Variants in DPYD observed in about 807,000 individuals in gnomAD.
DPYD encodes dihydropyrimidine dehydrogenase [NADP(+)].
Under a neutral mutation model 116.2 loss-of-function variants are expected in DPYD, and 109 were observed. The ratio of observed to expected loss-of-function variants is 0.94; its 90% CI spans 0.80 to 1.10. The LOEUF is 1.10. Among genes scored for constraint, DPYD ranks in the 50% least tolerant of loss-of-function variants. The pLI is 0.00. For missense variants in DPYD, 1,302 were observed against 1,254.5 expected (o/e 1.04, Z -0.57); for synonymous variants, 440 against 432.0 (o/e 1.02, Z -0.23).
intron 8 of DPYD, among the ~76,000 whole-genome samples, chr1:97,647,767 T>C (rs1269933230): frequency 3.3e-5 from 5 of 152,018 alleles, no homozygotes; most frequent in Non-Finnish European, 7.4e-5. Flanking sequence ...TTTGAAGTTT[T>C]TCCTAATAAA....
intron 18 of DPYD, among the ~76,000 whole-genome samples, chr1:97,285,344 A>T (rs754140372): frequency 8.5e-5 from 13 of 152,224 alleles, no homozygotes; most frequent in Non-Finnish European, 1.6e-4. Flanking sequence ...TGGCATCAGA[A>T]CAAGAGCAAT....
At chr1:97,679,072 A>ATATT in intron 8 of DPYD, 23 bp downstream of exon 8, 1 of 1,131,280 alleles carries the variant, frequency 8.8e-7, no homozygotes, top group Non-Finnish European at 1.2e-6. Flanking sequence ...ATAAATAAAT[A>ATATT]TATTTAAGAG....
At chr1:97,900,347 T>C (rs1044395844) in intron 1 of DPYD, among the ~76,000 whole-genome samples, 1 of 151,874 alleles carries the variant, frequency 6.6e-6, no homozygotes, top group Non-Finnish European at 1.5e-5. Flanking sequence ...TTTCCCATGT[T>C]ATACCCCAAC....
intron 20 of DPYD, among the ~76,000 whole-genome samples, chr1:97,108,879 G>A (rs897113291): frequency 6.6e-6 from 1 of 152,012 alleles, no homozygotes; most frequent in African/African-American, 2.4e-5. Flanking sequence ...TACTAAAGAG[G>A]TAAGAATAAA....
At chr1:97,539,250 T>C (rs902142703) in intron 12 of DPYD, among the ~76,000 whole-genome samples, 2 of 148,912 alleles carry the variant, frequency 1.3e-5, no homozygotes, top group Admixed American at 6.6e-5. Context: ...TAGAAATATG[T>C]ACTCAAATTT....
chr1:97,508,895 G>T (rs777012796), intron 13 of DPYD, among the ~76,000 whole-genome samples: 2 of 151,918 alleles, frequency 1.3e-5, no homozygotes, highest in Non-Finnish European at 2.9e-5. Context: ...GGCATCAAGA[G>T]GATTTGCAAC....
At chr1:97,560,255 A>T (rs114733895) in intron 11 of DPYD, among the ~76,000 whole-genome samples, 2,910 of 152,292 alleles carry the variant, frequency 0.019, 51 homozygotes, top group Non-Finnish European at 0.029. Flanking sequence ...AATTCCTCAG[A>T]GTTACGTGAG....
intron 14 of DPYD, among the ~76,000 whole-genome samples, chr1:97,401,150 T>A (rs374442701): frequency 1.3e-5 from 2 of 152,166 alleles, no homozygotes; most frequent in East Asian, 1.9e-4. Flanking sequence ...GCTCATTTTT[T>A]AAAATCTGGT....
chr1:97,138,024 T>C (rs1653938705), intron 20 of DPYD, among the ~76,000 whole-genome samples: 1 of 152,082 alleles, frequency 6.6e-6, no homozygotes, highest in Non-Finnish European at 1.5e-5. Flanking sequence ...CAAACATATC[T>C]CTTATCAGCA....
At chr1:97,087,112 G>A (rs977183932) in intron 21 of DPYD, among the ~76,000 whole-genome samples, 1 of 152,110 alleles carries the variant, frequency 6.6e-6, no homozygotes, top group South Asian at 2.1e-4. Context: ...GCTGAATGAC[G>A]TTTGTAGGAT....
intron 3 of DPYD, among the ~76,000 whole-genome samples, chr1:97,771,839 G>A (rs1666159788): frequency 6.6e-6 from 1 of 152,022 alleles, no homozygotes; most frequent in African/African-American, 2.4e-5. Context: ...TTGTGTGCTT[G>A]ATTACATAGT....
In DPYD at chr1:97,816,319, C is replaced by T. The variant is rs114777943; in HGVS notation, c.233+11795G>A. On this transcript the variant is annotated intron_variant, in intron 3 of 22. Transcript: ENST00000370192. ...AAAGAAAATACAAAAACAAAAAACC[C>T]TCTTTGTAGACTACAAGAAAAGTAT... Among the ~76,000 whole-genome samples the T allele has an allele frequency of 1.9e-4, 29 of 152,038 alleles. 1 individual carries two copies. Among genetic ancestry groups the T allele is most frequent in the Non-Finnish European group, 3.8e-4 (26 of 67,972 alleles).
intron 1 of DPYD, among the ~76,000 whole-genome samples, chr1:97,889,863 C>T (rs533545564): frequency 9.2e-5 from 14 of 152,086 alleles, no homozygotes; most frequent in African/African-American, 2.9e-4. Flanking sequence ...GAAAAAACAA[C>T]TTCTACTAAC....
At chr1:97,081,919 T>A (rs6668057) in intron 22 of DPYD, among the ~76,000 whole-genome samples, 11,923 of 152,046 alleles carry the variant, frequency 0.078, 826 homozygotes, top group African/African-American at 0.19. Flanking sequence ...CAATACTGAA[T>A]GGAAGAGAAC....
chr1:97,347,978 T>C (rs1669944356), intron 16 of DPYD, among the ~76,000 whole-genome samples: 1 of 152,186 alleles, frequency 6.6e-6, no homozygotes, highest in African/African-American at 2.4e-5. Flanking sequence ...ACTGGAATGC[T>C]GGTCAGCCAT....
chr1:97,689,733 G>A (rs979900828), intron 7 of DPYD, among the ~76,000 whole-genome samples: 1 of 152,028 alleles, frequency 6.6e-6, no homozygotes, highest in African/African-American at 2.4e-5. Flanking sequence ...GAGGTAATGA[G>A]CACAGACCAC....
intron 16 of DPYD, among the ~76,000 whole-genome samples, chr1:97,371,209 A>G (rs1360117247): frequency 2.6e-5 from 4 of 152,328 alleles, no homozygotes; most frequent in Non-Finnish European, 2.9e-5. Flanking sequence ...AAAAAAATCA[A>G]GTATTTAGAG....
rs567688197 is a variant in DPYD, at chr1:97,183,237, CCTTA to C, written c.2622+9828_2622+9831del. On this transcript the variant is annotated intron_variant, in intron 20 of 22. Coordinates refer to ENST00000370192, the MANE Select transcript of DPYD (RefSeq NM_000110.4). ...CTAAAAAGAAAGTCTTATAGTCTTA[CCTTA>C]CTGTTTACTTTTTTATATCACATAT... Among the ~76,000 whole-genome samples the C allele has an allele frequency of 1.4e-3, 210 of 152,128 alleles. 1 individual carries two copies. The highest frequency in any genetic ancestry group is 4.8e-3 in the African/African-American group (200 of 41,538).
At chr1:97,266,318 C>T (rs942587299) in intron 18 of DPYD, among the ~76,000 whole-genome samples, 5 of 152,122 alleles carry the variant, frequency 3.3e-5, no homozygotes, top group Non-Finnish European at 7.3e-5. Context: ...GTTCAGAATG[C>T]TCATCTATTA....
Sources: allele counts gnomAD v4.1 joint callset (sites outside exome capture counted in the v4.1 genomes callset), GRCh38; gene constraint gnomAD v4.1.1; transcripts MANE v1.5; gene names NCBI Gene and HGNC (gene_info 2026-07-23, HGNC 2026-07-21).